PEX14: variants seen among roughly 807,000 people sequenced by gnomAD.
PEX14 encodes peroxisomal membrane protein PEX14.
PEX14 carries 15 observed loss-of-function variants against 49.5 expected under a neutral mutation model. The ratio of observed to expected loss-of-function variants is 0.30; its 90% CI spans 0.20 to 0.47. PEX14 has a LOEUF of 0.47. Among genes scored for constraint, PEX14 ranks in the 20% least tolerant of loss-of-function variants. The pLI is 1.00. For synonymous variants in PEX14, 210 were observed against 212.7 expected (o/e 0.99, Z 0.11); for missense variants, 398 against 494.8 (o/e 0.80, Z 1.86).
At chr1:10,567,310 C>T (rs1292857081) in intron 3 of PEX14, among the ~76,000 whole-genome samples, 3 of 152,142 alleles carry the variant, frequency 2.0e-5, no homozygotes, top group Admixed American at 6.6e-5. Context: ...TGTTAACTTC[C>T]TGTATATATC....
At chr1:10,574,642 A>G (rs1288007398) in intron 3 of PEX14, among the ~76,000 whole-genome samples, 2 of 152,210 alleles carry the variant, frequency 1.3e-5, no homozygotes, top group African/African-American at 2.4e-5. Flanking sequence ...TACACACAAT[A>G]TATAATCATG....
In PEX14 at chr1:10,528,227, G is replaced by A. The variant is rs770456825; in HGVS notation, c.85-7986G>A. On this transcript the variant is annotated intron_variant, in intron 2 of 8. Transcript: ENST00000356607. ...ATTATCCATGACACAACCTTTCTTC[G>A]TCTCCTTCCTAATCATCCCGCAGTT... 141 of 651,422 alleles carry A rather than the reference G, an allele frequency of 2.2e-4. No homozygotes were observed. The Middle Eastern group carries it at 2.3e-3, about 11-fold the overall frequency. 40.4% of individuals were successfully genotyped at this position (651,422 alleles called of 1,614,324 possible).
chr1:10,617,206 G>C (rs1311062784), intron 4 of PEX14: 1 of 152,136 alleles, frequency 6.6e-6, no homozygotes, highest in African/African-American at 2.4e-5. Flanking sequence ...GCAGCAATGT[G>C]TTCTCCTGAG....
Position 10,495,097 on chromosome 1 carries a change from CTT to C in PEX14, c.37-175_37-174del. On this transcript the variant is annotated intron_variant, in intron 1 of 8. Coordinates refer to ENST00000356607, the MANE Select transcript of PEX14 (RefSeq NM_004565.3). The surrounding 1 kb of genome is among the most constrained non-coding windows in gnomAD (Gnocchi z 4.2). ...TCATCTTCCCTGGTGAATTCAGACT[CTT>C]TGGGCTACTTTTTACAGGTAGTCCA... The C allele has an allele frequency of 1.0e-6, 1 of 984,724 alleles. No individual in the cohort carries two copies. Among genetic ancestry groups the C allele is most frequent in the Non-Finnish European group, 1.2e-6 (1 of 829,314 alleles). 61.0% of individuals were successfully genotyped at this position (984,724 alleles called of 1,614,324 possible).
chr1:10,515,489 A>G (rs1234093970), intron 2 of PEX14, among the ~76,000 whole-genome samples: 1 of 152,118 alleles, frequency 6.6e-6, no homozygotes, highest in Non-Finnish European at 1.5e-5. Context: ...TCCCCTTGAG[A>G]CACCCTGGAA....
intron 2 of PEX14, among the ~76,000 whole-genome samples, chr1:10,519,969 C>T (rs1294074655): frequency 3.3e-5 from 5 of 152,046 alleles, no homozygotes; most frequent in South Asian, 2.1e-4. Context: ...TGTTGTTGAA[C>T]AGAAGTGGTG....
intron 3 of PEX14, among the ~76,000 whole-genome samples, chr1:10,541,897 C>T (rs1639026211): frequency 6.6e-6 from 1 of 152,176 alleles, no homozygotes; most frequent in South Asian, 2.1e-4. Flanking sequence ...GGGGTTTCCT[C>T]CACTTCACCC....
chr1:10,568,268 T>C (rs1639867252), intron 3 of PEX14, among the ~76,000 whole-genome samples: 2 of 145,744 alleles, frequency 1.4e-5, no homozygotes, highest in Admixed American at 7.0e-5. Context: ...ATCTTTTTAA[T>C]AAAAGATGAT....
Position 10,539,440 on chromosome 1 carries a change from G to T in PEX14, c.169+3143G>T, listed in dbSNP as rs1413202339. On this transcript the variant is annotated intron_variant, in intron 3 of 8. Coordinates refer to ENST00000356607, the MANE Select transcript of PEX14 (RefSeq NM_004565.3). The surrounding 1 kb of genome is among the most constrained non-coding windows in gnomAD (Gnocchi z 4.6). The stretch of plus-strand genomic sequence containing the variant: ...TCCTTTTATCGGGAATATTTTGGAT[G>T]AAAGAAAAAAGCAGCTGCTCACCTT... 2.0e-4 allele frequency among the ~76,000 whole-genome samples: 31 copies of T among 152,134 alleles called. No individual in the cohort carries two copies. Among genetic ancestry groups the T allele is most frequent in the Admixed American group, 2.0e-3 (31 of 15,278 alleles).
At chr1:10,476,194 C>T (rs1201030281) in intron 1 of PEX14, among the ~76,000 whole-genome samples, 1 of 152,202 alleles carries the variant, frequency 6.6e-6, no homozygotes, top group Non-Finnish European at 1.5e-5. Flanking sequence ...TTCTGCACGT[C>T]TGTTACAAGA....
At chr1:10,481,820 ACT>A (rs1343802321) in intron 1 of PEX14, among the ~76,000 whole-genome samples, 8 of 109,530 alleles carry the variant, frequency 7.3e-5, no homozygotes, top group African/African-American at 2.8e-4. Flanking sequence ...TAACCATTCT[ACT>A]CTTTTTTTTT....
chr1:10,588,909 A>G (rs984035552), intron 3 of PEX14, among the ~76,000 whole-genome samples: 1 of 151,998 alleles, frequency 6.6e-6, no homozygotes, highest in African/African-American at 2.4e-5. Context: ...GAACAAATCT[A>G]TCCATGAAAT....
Position 10,630,171 on chromosome 1 carries a change from T to C in PEX14, c.*184T>C. 1 of 960,308 alleles carries C rather than the reference T, an allele frequency of 1.0e-6. No individual in the cohort carries two copies. Among genetic ancestry groups the C allele is most frequent in the Admixed American group, 2.7e-5 (1 of 36,456 alleles). 59.5% of individuals were successfully genotyped at this position (960,308 alleles called of 1,614,324 possible). A position where few individuals can be genotyped will look rare whatever the true frequency, so the allele number is the denominator to read the frequency against. ...TCACACTTCTGTCCACCTGGCCTCC[T>C]CTCGCCTGGCCGCCAGCCCCAGCCC... On this transcript the variant is annotated 3_prime_UTR_variant, in exon 9 of 9. Transcript: ENST00000356607. This position sits in a 1 kb window ranked among gnomAD's most constrained non-coding sequence, Gnocchi z 4.1.
At chr1:10,510,724 T>C (rs934737572) in intron 2 of PEX14, among the ~76,000 whole-genome samples, 18 of 152,220 alleles carry the variant, frequency 1.2e-4, no homozygotes, top group Admixed American at 1.1e-3. Flanking sequence ...TGAGTGAGTG[T>C]GTGTGCTCAC....
At chr1:10,537,944 A>G (rs1638886846) in intron 3 of PEX14, among the ~76,000 whole-genome samples, 1 of 152,030 alleles carries the variant, frequency 6.6e-6, no homozygotes, top group African/African-American at 2.4e-5. Flanking sequence ...CTTTTTGTGC[A>G]ATTATGATTC....
intron 3 of PEX14, among the ~76,000 whole-genome samples, chr1:10,574,818 G>T (rs549083690): frequency 1.3e-5 from 2 of 152,252 alleles, no homozygotes; most frequent in African/African-American, 2.4e-5. Context: ...CTAATCAAAA[G>T]AAACAGAATT....
chr1:10,600,977 A>C (rs1640967193), intron 4 of PEX14, among the ~76,000 whole-genome samples: 1 of 138,216 alleles, frequency 7.2e-6, no homozygotes. Context: ...AAAAAAACAG[A>C]CAGGCCGGGC....
intron 3 of PEX14, among the ~76,000 whole-genome samples, chr1:10,555,034 T>G (rs1342878564): frequency 2.0e-5 from 3 of 152,126 alleles, no homozygotes; most frequent in Non-Finnish European, 4.4e-5. Flanking sequence ...GAAAGCAGCC[T>G]TCTTCTTGAT....
rs368265465 is a variant in PEX14, at chr1:10,599,377, C to T, written c.298+11C>T. On this transcript the variant is annotated intron_variant, in intron 4 of 8. Transcript: ENST00000356607. ...TATCTCAGCCATACAGTAAGTCACCCGCTCAAACTCCTGCTTAACCTTGAT... is the reference window on the plus strand; with the variant it reads ...TATCTCAGCCATACAGTAAGTCACCTGCTCAAACTCCTGCTTAACCTTGAT... The T allele has an allele frequency of 6.6e-5, 106 of 1,613,960 alleles. No individual in the cohort carries two copies. Among genetic ancestry groups the T allele is most frequent in the Middle Eastern group, 1.6e-4 (1 of 6,084 alleles).
Sources: allele counts gnomAD v4.1 joint callset (sites outside exome capture counted in the v4.1 genomes callset), GRCh38; gene constraint gnomAD v4.1.1; non-coding constraint Gnocchi (gnomAD v3.1); transcripts MANE v1.5; gene names NCBI Gene and HGNC (gene_info 2026-07-23, HGNC 2026-07-21).